ITGA8: variants seen among roughly 807,000 people sequenced by gnomAD.
ITGA8 encodes integrin subunit alpha 8.
A neutral mutation model predicts 142.3 loss-of-function variants in ITGA8; 91 were observed. That is an observed-to-expected ratio of 0.64 (90% CI 0.54 to 0.76). ITGA8 has a LOEUF of 0.76. Among genes scored for constraint, ITGA8 ranks in the 30% least tolerant of loss-of-function variants. The probability of loss-of-function intolerance (pLI) is 0.00; values close to 1 mark genes in which losing one functional copy is unlikely to be tolerated. For missense variants in ITGA8, 1,406 were observed against 1,327.7 expected, an observed-to-expected ratio of 1.06 and a Z score of -0.92; for synonymous variants, 505 against 485.2, an observed-to-expected ratio of 1.04 and a Z score of -0.54.
chr10:15,705,223 C>G (rs1835236235), intron 2 of ITGA8, among the ~76,000 whole-genome samples: 1 of 152,132 alleles, frequency 6.6e-6, no homozygotes, highest in Non-Finnish European at 1.5e-5. Flanking sequence ...TCTGGTAATC[C>G]TATTATTTCA....
chr10:15,691,204 A>C (rs1442013660), intron 2 of ITGA8, among the ~76,000 whole-genome samples: 2 of 152,204 alleles, frequency 1.3e-5, no homozygotes, highest in Non-Finnish European at 2.9e-5. Flanking sequence ...AGTGTTGTGG[A>C]GGATATGAAG....
intron 28 of ITGA8, among the ~76,000 whole-genome samples, chr10:15,523,933 A>C (rs1746882122): frequency 6.6e-6 from 1 of 152,138 alleles, no homozygotes; most frequent in African/African-American, 2.4e-5. Flanking sequence ...CTCTGTCTCA[A>C]ACAAAACAAA....
intron 8 of ITGA8, 56 bp downstream of exon 8, chr10:15,671,547 C>T: frequency 7.0e-7 from 1 of 1,434,340 alleles, no homozygotes; most frequent in Non-Finnish European, 9.8e-7. Flanking sequence ...CTTTATATGC[C>T]ATTTTACCAT....
intron 22 of ITGA8, among the ~76,000 whole-genome samples, chr10:15,591,594 G>A (rs1445985318): frequency 1.3e-5 from 2 of 152,000 alleles, no homozygotes; most frequent in Non-Finnish European, 1.5e-5. Flanking sequence ...TCCTGTTCAC[G>A]AAATATTATT....
rs1277205371 is a variant in ITGA8, at chr10:15,578,260, A to G, written c.2373-2666T>C. Among the ~76,000 whole-genome samples, 5 of 152,126 alleles carry G rather than the reference A, an allele frequency of 3.3e-5. No individual in the cohort carries two copies. The East Asian group carries it at 9.6e-4, about 29-fold the overall frequency. ...TCTGTTATTTCAAGAATGTTATATA[A>G]TTGGAATCATACAGGATGCAATCTT... On this transcript the variant is annotated intron_variant, in intron 23 of 29. Transcript: ENST00000378076.
intron 6 of ITGA8, 46 bp from the exon 7 acceptor site, chr10:15,672,795 C>T (rs962802595): frequency 3.9e-6 from 6 of 1,526,430 alleles, no homozygotes; most frequent in Admixed American, 2.0e-5. Flanking sequence ...AAGCAAGAGG[C>T]AGGCCCTCCA....
At chr10:15,579,475 C>T (rs1218172666) in intron 23 of ITGA8, among the ~76,000 whole-genome samples, 2 of 151,936 alleles carry the variant, frequency 1.3e-5, no homozygotes, top group East Asian at 3.8e-4. Context: ...CAAATAGAAA[C>T]ATTTCCCAGT....
intron 27 of ITGA8, among the ~76,000 whole-genome samples, chr10:15,540,419 C>A (rs1318371134): frequency 2.0e-5 from 3 of 152,154 alleles, no homozygotes. Flanking sequence ...GCTTATTTCA[C>A]TTAACATAGC....
intron 21 of ITGA8, among the ~76,000 whole-genome samples, chr10:15,594,133 C>T (rs1158790650): frequency 1.3e-5 from 2 of 151,958 alleles, no homozygotes; most frequent in Non-Finnish European, 2.9e-5. Context: ...AGCCAAAGGG[C>T]CCGGCCGGAT....
At chr10:15,548,789 C>T (rs536437418) in intron 26 of ITGA8, among the ~76,000 whole-genome samples, 34 of 152,236 alleles carry the variant, frequency 2.2e-4, no homozygotes, top group South Asian at 8.3e-4. Flanking sequence ...TCTTTTCGAA[C>T]GACTTTAAGA....
intron 28 of ITGA8, among the ~76,000 whole-genome samples, chr10:15,520,695 T>C (rs1003130397): frequency 2.6e-5 from 4 of 152,268 alleles, no homozygotes; most frequent in African/African-American, 9.6e-5. Flanking sequence ...AAAAGAGCGC[T>C]ACATTATTCT....
At chr10:15,629,343 C>T (rs537405522) in intron 13 of ITGA8, among the ~76,000 whole-genome samples, 67 of 152,112 alleles carry the variant, frequency 4.4e-4, no homozygotes, top group African/African-American at 1.4e-3. Context: ...TATTTCACCA[C>T]GGCAATGTAA....
At chr10:15,523,586 T>G (rs1833108207) in intron 28 of ITGA8, among the ~76,000 whole-genome samples, 1 of 152,074 alleles carries the variant, frequency 6.6e-6, no homozygotes, top group Non-Finnish European at 1.5e-5. Context: ...GTTGCCAGTC[T>G]GCTTCCAGTA....
At chr10:15,680,548 C>T (rs150385431) in intron 4 of ITGA8, among the ~76,000 whole-genome samples, 3 of 152,024 alleles carry the variant, frequency 2.0e-5, no homozygotes, top group East Asian at 3.9e-4. Flanking sequence ...TATATGCATC[C>T]AGAAGTATAT....
chr10:15,623,764 G>A (rs1009676410), intron 13 of ITGA8, among the ~76,000 whole-genome samples: 2 of 152,218 alleles, frequency 1.3e-5, no homozygotes, highest in Middle Eastern at 3.4e-3. Flanking sequence ...AGTAAGCAGA[G>A]CTAAGAGCTT....
intron 12 of ITGA8, among the ~76,000 whole-genome samples, chr10:15,645,361 C>A (rs540137954): frequency 3.3e-5 from 5 of 152,000 alleles, no homozygotes; most frequent in Non-Finnish European, 7.4e-5. Context: ...TTTAAAAATA[C>A]TATTAAAGGT....
intron 25 of ITGA8, among the ~76,000 whole-genome samples, chr10:15,561,706 C>A (rs1031156767): frequency 9.2e-5 from 14 of 152,134 alleles, no homozygotes; most frequent in African/African-American, 3.1e-4. Flanking sequence ...GAGGAATAAT[C>A]CTCCTTTCTC....
At chr10:15,714,253 C>A (rs1423257991) in intron 2 of ITGA8, among the ~76,000 whole-genome samples, 3 of 152,152 alleles carry the variant, frequency 2.0e-5, no homozygotes, top group Non-Finnish European at 4.4e-5. Context: ...AGGGTTACAG[C>A]CTAACATTCT....
intron 21 of ITGA8, among the ~76,000 whole-genome samples, chr10:15,596,172 A>T (rs193105174): frequency 1.0e-3 from 152 of 152,330 alleles, no homozygotes; most frequent in African/African-American, 3.5e-3. Context: ...TAAACATCCC[A>T]TTCTCTCTTT....
Sources: allele counts gnomAD v4.1 joint callset (sites outside exome capture counted in the v4.1 genomes callset), GRCh38; gene constraint gnomAD v4.1.1; transcripts MANE v1.5; gene names NCBI Gene and HGNC (gene_info 2026-07-23, HGNC 2026-07-21).